Variants in VPS13B observed in about 807,000 individuals in gnomAD.
VPS13B encodes the protein vacuolar protein sorting 13 homolog B.
Under a neutral mutation model 426.4 loss-of-function variants are expected in VPS13B, and 285 were observed. The observed-to-expected ratio is 0.67, with a 90% confidence interval of 0.61 to 0.74. The LOEUF (loss-of-function observed/expected upper bound fraction) is 0.74. VPS13B is among the 30% of genes least tolerant of loss of function. VPS13B has a pLI of 0.00. For missense variants in VPS13B, 4,537 were observed against 4,782.6 expected (o/e 0.95, Z 1.51); for synonymous variants, 1,676 against 1,676.4 (o/e 1.00, Z 0.01).
chr8:99,233,140 G>T lies in VPS13B; in HGVS notation c.2515+40083G>T, dbSNP rs897528084. The T allele has an allele frequency of 5.1e-6, 7 of 1,381,534 alleles. No homozygotes were observed. The African/African-American group carries it at 7.1e-5, about 14-fold the overall frequency. 85.6% of individuals were successfully genotyped at this position (1,381,534 alleles called of 1,614,324 possible). ...AGTTTCCCTGATACTGCGCTGTGCA[G>T]TCTGGCTAGCAAAGAAGTGCCCGAT... On this transcript the variant is annotated intron_variant, in intron 17 of 61. Transcript: ENST00000357162.
At position 99,666,643 on chromosome 8, in the gene VPS13B, T is replaced by C. The variant is rs569876757; in HGVS notation, c.6046+5152T>C. ...CTAAAAACTCTCAATAAATTAGGTA[T>C]TGATGGGTCATATCTCAAAATAATA... On this transcript the variant is annotated intron_variant, in intron 35 of 61. Transcript: ENST00000357162. Among the ~76,000 whole-genome samples the C allele has an allele frequency of 8.2e-4, 125 of 152,314 alleles. 1 individual carries two copies. Among genetic ancestry groups the C allele is most frequent in the African/African-American group, 2.7e-3 (111 of 41,580 alleles).
chr8:99,109,052 A>G (rs1847205049), intron 5 of VPS13B, among the ~76,000 whole-genome samples: 1 of 151,930 alleles, frequency 6.6e-6, no homozygotes. Flanking sequence ...TAAGCTTCCT[A>G]ACCTCTTTTT....
chr8:99,536,817 G>T, intron 30 of VPS13B: 1 of 517,680 alleles, frequency 1.9e-6, no homozygotes, highest in Non-Finnish European at 4.0e-6. Context: ...GTGTTTCCAG[G>T]TGATTTTAAG....
chr8:99,483,249 A>AC (rs1197668101), intron 25 of VPS13B, among the ~76,000 whole-genome samples: 2 of 152,010 alleles, frequency 1.3e-5, no homozygotes, highest in Admixed American at 6.6e-5. Context: ...AATCACAGTA[A>AC]CCTAGGTGAT....
intron 21 of VPS13B, among the ~76,000 whole-genome samples, chr8:99,415,331 T>A (rs1244047161): frequency 6.6e-6 from 1 of 152,100 alleles, no homozygotes; most frequent in East Asian, 2.0e-4. Context: ...TTTTCCCGGT[T>A]CTTAGCTTCC....
intron 16 of VPS13B, among the ~76,000 whole-genome samples, chr8:99,184,025 G>C (rs1418905836): frequency 1.3e-5 from 2 of 152,016 alleles, no homozygotes; most frequent in Non-Finnish European, 2.9e-5. Context: ...TTTGTTTCAG[G>C]GTTCATCTAC....
chr8:99,237,981 T>C (rs749356279), intron 17 of VPS13B, among the ~76,000 whole-genome samples: 3 of 152,034 alleles, frequency 2.0e-5, no homozygotes, highest in Non-Finnish European at 4.4e-5. Flanking sequence ...CTATAGGCTG[T>C]ACTACCAGTA....
At chr8:99,617,021 G>T (rs1471287235) in intron 33 of VPS13B, among the ~76,000 whole-genome samples, 1 of 152,174 alleles carries the variant, frequency 6.6e-6, no homozygotes, top group African/African-American at 2.4e-5. Context: ...TAGTTGTAAG[G>T]TTCTTAGACT....
intron 17 of VPS13B, among the ~76,000 whole-genome samples, chr8:99,211,119 G>C (rs1263722689): frequency 6.6e-6 from 1 of 152,040 alleles, no homozygotes; most frequent in Non-Finnish European, 1.5e-5. Context: ...ATGATTGTAA[G>C]ATGAAGCCGT....
chr8:99,468,993 T>C (rs868283256), intron 24 of VPS13B, among the ~76,000 whole-genome samples: 5 of 152,204 alleles, frequency 3.3e-5, no homozygotes, highest in Middle Eastern at 3.4e-3. Flanking sequence ...TACTGTTTGA[T>C]TTAACTTTTA....
chr8:99,354,452 G>A (rs186489036), intron 19 of VPS13B, among the ~76,000 whole-genome samples: 230 of 151,336 alleles, frequency 1.5e-3, no homozygotes, highest in African/African-American at 5.1e-3. Context: ...GTATGTTCAT[G>A]TGCCTGGAAT....
At chr8:99,187,078 T>C (rs1185177430) in intron 16 of VPS13B, among the ~76,000 whole-genome samples, 1 of 152,216 alleles carries the variant, frequency 6.6e-6, no homozygotes, top group Non-Finnish European at 1.5e-5. Context: ...AACATGGCTC[T>C]TGCTACACGA....
chr8:99,695,116 C>A (rs1168600701), intron 35 of VPS13B, among the ~76,000 whole-genome samples: 6 of 150,490 alleles, frequency 4.0e-5, no homozygotes, highest in Non-Finnish European at 7.4e-5. Flanking sequence ...TAAACTAGTT[C>A]AACCATTGTG....
intron 19 of VPS13B, among the ~76,000 whole-genome samples, chr8:99,352,900 A>G (rs1208798696): frequency 1.3e-5 from 2 of 152,136 alleles, no homozygotes; most frequent in African/African-American, 4.8e-5. Flanking sequence ...ATTGTATGCA[A>G]TAATAGCATA....
chr8:99,574,932 G>A (rs1351557700), intron 31 of VPS13B, among the ~76,000 whole-genome samples: 2 of 152,150 alleles, frequency 1.3e-5, no homozygotes, highest in African/African-American at 4.8e-5. Flanking sequence ...GAGAGTCCTA[G>A]GCAGGAGAAT....
intron 39 of VPS13B, among the ~76,000 whole-genome samples, chr8:99,748,336 C>T (rs537339870): frequency 1.2e-4 from 18 of 152,116 alleles, no homozygotes; most frequent in African/African-American, 3.4e-4. Context: ...AAATTTGCCT[C>T]TCTGTAGATT....
At chr8:99,116,841 T>C (rs1282013259) in intron 7 of VPS13B, among the ~76,000 whole-genome samples, 1 of 152,210 alleles carries the variant, frequency 6.6e-6, no homozygotes, top group Non-Finnish European at 1.5e-5. Context: ...AATTGAGTTA[T>C]TTTAGTGCTG....
At chr8:99,733,913 T>C (rs1030517260) in intron 39 of VPS13B, among the ~76,000 whole-genome samples, 8 of 152,210 alleles carry the variant, frequency 5.3e-5, no homozygotes, top group African/African-American at 1.9e-4. Context: ...AATAGTATAA[T>C]TCAGTGATTT....
At chr8:99,429,635 A>G (rs1460893830) in intron 21 of VPS13B, 1 of 152,146 alleles carries the variant, frequency 6.6e-6, no homozygotes, top group Admixed American at 6.6e-5. Context: ...TGTACTATAC[A>G]TCTAATCCAT....
Sources: gnomAD v4.1 joint callset for allele counts (sites outside exome capture counted in the v4.1 genomes callset) on GRCh38, gnomAD v4.1.1 for gene constraint, MANE v1.5 for transcripts, NCBI Gene and HGNC (gene_info 2026-07-23, HGNC 2026-07-21) for gene names.